PCBP3: variants seen among roughly 807,000 people sequenced by gnomAD.
PCBP3 encodes poly(rC) binding protein 3.
A neutral mutation model predicts 52.7 loss-of-function variants in PCBP3; 25 were observed. The observed-to-expected ratio is 0.47, with a 90% confidence interval of 0.35 to 0.66. The LOEUF is 0.66. PCBP3 is among the 30% of genes least tolerant of loss of function. The pLI, the probability that PCBP3 is intolerant of heterozygous loss-of-function variation, is 0.01. For synonymous variants in PCBP3, 162 were observed against 183.0 expected (o/e 0.89, Z 0.93); for missense variants, 391 against 490.3 (o/e 0.80, Z 1.91).
intron 2 of PCBP3, among the ~76,000 whole-genome samples, chr21:45,682,029 AGAG>A (rs940788338): frequency 1.2e-4 from 18 of 152,204 alleles, no homozygotes; most frequent in African/African-American, 3.6e-4. Context: ...TTCAAGAAGA[AGAG>A]GAGAAGAAGA....
At chr21:45,921,817 C>CA (rs1039626808) in intron 13 of PCBP3, among the ~76,000 whole-genome samples, 26 of 147,090 alleles carry the variant, frequency 1.8e-4, no homozygotes, top group South Asian at 4.3e-4. Context: ...AGACCCGTTT[C>CA]AAAAAAAAAA....
chr21:45,934,614 A>C (rs1223561183), intron 15 of PCBP3, among the ~76,000 whole-genome samples: 1 of 152,218 alleles, frequency 6.6e-6, no homozygotes, highest in African/African-American at 2.4e-5. Flanking sequence ...CCAAATTGGA[A>C]GAACTGCCTG....
At chr21:45,887,194 G>A (rs1047230326) in intron 5 of PCBP3, among the ~76,000 whole-genome samples, 1 of 152,242 alleles carries the variant, frequency 6.6e-6, no homozygotes, top group African/African-American at 2.4e-5. Flanking sequence ...TCCCTGGCTA[G>A]TCTGCCTTTC....
chr21:45,802,283 G>C lies in PCBP3; in HGVS notation c.-126+46831G>C, dbSNP rs1175559853. Among the ~76,000 whole-genome samples the C allele has an allele frequency of 6.6e-6, 1 of 152,162 alleles. No homozygotes were observed. Among genetic ancestry groups the C allele is most frequent in the African/African-American group, 2.4e-5 (1 of 41,426 alleles). On this transcript the variant is annotated intron_variant, in intron 4 of 17. Coordinates refer to ENST00000681687, the MANE Select transcript of PCBP3 (RefSeq NM_001384156.1). This position sits in a 1 kb window ranked among gnomAD's most constrained non-coding sequence, Gnocchi z 5.1. Reference sequence around the variant, plus strand: ...TGCTGGGGCTGGGGGTGAGCTAGCTGTCCGGCCCCTGCGTCAGCACCACCC... The same window carrying C: ...TGCTGGGGCTGGGGGTGAGCTAGCTCTCCGGCCCCTGCGTCAGCACCACCC...
chr21:45,748,950 T>C (rs569929509), intron 3 of PCBP3, among the ~76,000 whole-genome samples: 1 of 152,354 alleles, frequency 6.6e-6, no homozygotes, highest in Admixed American at 6.5e-5. Context: ...TCTCCTGACC[T>C]GTTCCTGCCC....
chr21:45,834,590 G>A (rs1041439288), intron 4 of PCBP3, among the ~76,000 whole-genome samples: 5 of 152,190 alleles, frequency 3.3e-5, no homozygotes, highest in African/African-American at 1.2e-4. Flanking sequence ...AGGCCACCAC[G>A]TCCACGAGTG....
intron 4 of PCBP3, among the ~76,000 whole-genome samples, chr21:45,777,219 C>T (rs1193693814): frequency 1.3e-5 from 2 of 151,856 alleles, no homozygotes; most frequent in Non-Finnish European, 2.9e-5. Flanking sequence ...GTTTTTTTCC[C>T]CCATTACTTT....
chr21:45,823,475 G>A (rs534707038), intron 4 of PCBP3, among the ~76,000 whole-genome samples: 6 of 152,232 alleles, frequency 3.9e-5, no homozygotes, highest in South Asian at 2.1e-4. Flanking sequence ...TGGACTTTCC[G>A]CTGTGCAGAT....
At chr21:45,843,431 A>G (rs1229087920) in intron 4 of PCBP3, among the ~76,000 whole-genome samples, 2 of 152,084 alleles carry the variant, frequency 1.3e-5, no homozygotes, top group African/African-American at 2.4e-5. Flanking sequence ...TTTCTTTATT[A>G]TTACCTTTCC....
rs183118847 is a variant in PCBP3 at position 45,699,806 on chromosome 21, C to T, written c.-200+30854C>T. Among the ~76,000 whole-genome samples, 354 of 152,288 alleles carry T rather than the reference C, an allele frequency of 2.3e-3. 2 individuals carry two copies. The highest frequency in any genetic ancestry group is 7.6e-3 in the African/African-American group (316 of 41,566). On this transcript the variant is annotated intron_variant, in intron 2 of 17. Coordinates refer to ENST00000681687, the MANE Select transcript of PCBP3 (RefSeq NM_001384156.1). ...GAATAGCATGGGAAAGACCCACCCG[C>T]GTGATTCAATTATCTCCCACCAGGT... is the stretch of plus-strand genomic sequence containing the variant.
At chr21:45,678,106 C>T (rs1025634027) in intron 2 of PCBP3, among the ~76,000 whole-genome samples, 10 of 152,038 alleles carry the variant, frequency 6.6e-5, no homozygotes, top group African/African-American at 2.4e-4. Flanking sequence ...CTTTGGGAGG[C>T]AGAGGTGGGA....
chr21:45,940,281 G>T lies in PCBP3; in HGVS notation c.1079+82G>T, dbSNP rs73910229. ...GTTACATCACCTGGACGGTCGGGGG[G>T]TGGGAGGAGGCACAGTCTGGGCCAC... is the stretch of plus-strand genomic sequence containing the variant. On this transcript the variant is annotated intron_variant, in intron 17 of 17. Coordinates refer to ENST00000681687, the MANE Select transcript of PCBP3 (RefSeq NM_001384156.1). 2.6e-3 allele frequency: 3,250 copies of T among 1,232,546 alleles called. 105 individuals carry two copies. In the South Asian group the frequency reaches 0.042, roughly 16 times the overall value. 76.4% of individuals were successfully genotyped at this position (1,232,546 alleles called of 1,614,324 possible). A position where few individuals can be genotyped will look rare whatever the true frequency, so the allele number is the denominator to read the frequency against.
chr21:45,744,648 T>C (rs1392614041), intron 3 of PCBP3, among the ~76,000 whole-genome samples: 2 of 152,228 alleles, frequency 1.3e-5, no homozygotes, highest in Non-Finnish European at 2.9e-5. Context: ...CATTTTAGCA[T>C]ACATTATAAT....
intron 4 of PCBP3, among the ~76,000 whole-genome samples, chr21:45,774,494 A>G (rs1251587956): frequency 1.3e-5 from 2 of 152,010 alleles, no homozygotes; most frequent in African/African-American, 2.4e-5. Flanking sequence ...CTCTTTTTCA[A>G]CTTGGTTTCC....
At chr21:45,670,889 A>G (rs538404390) in intron 2 of PCBP3, among the ~76,000 whole-genome samples, 6 of 152,318 alleles carry the variant, frequency 3.9e-5, no homozygotes, top group African/African-American at 1.4e-4. Context: ...GATTCGGCCC[A>G]GCTCCTCACA....
At chr21:45,790,410 C>T (rs966459693) in intron 4 of PCBP3, among the ~76,000 whole-genome samples, 36 of 152,096 alleles carry the variant, frequency 2.4e-4, no homozygotes, top group African/African-American at 7.7e-4. Flanking sequence ...CAAGGTGGGA[C>T]GCCGTGCCAT....
intron 12 of PCBP3, 99 bp downstream of exon 12, chr21:45,914,124 C>T (rs761179909): frequency 1.9e-6 from 3 of 1,583,538 alleles, no homozygotes; most frequent in African/African-American, 2.7e-5. Context: ...CTCGCCTTCT[C>T]ACGTGCACGT....
chr21:45,917,658 C>T lies in PCBP3; in HGVS notation c.717+29C>T. The T allele has an allele frequency of 6.4e-7, 1 of 1,572,948 alleles. No homozygotes were observed. The highest frequency in any genetic ancestry group is 1.7e-4 in the Middle Eastern group (1 of 6,000). Reference sequence around the variant, plus strand: ...AGTCTTCACTTTGTCTTCCTCTCACCTTTCTCTTCTCATGGTTGTTTACCT... The same window carrying T: ...AGTCTTCACTTTGTCTTCCTCTCACTTTTCTCTTCTCATGGTTGTTTACCT... On this transcript the variant is annotated intron_variant, in intron 13 of 17. Transcript: ENST00000681687. The surrounding 1 kb of genome is among the most constrained non-coding windows in gnomAD (Gnocchi z 5.3).
At chr21:45,869,951 T>C (rs1372825641) in intron 5 of PCBP3, among the ~76,000 whole-genome samples, 4 of 152,268 alleles carry the variant, frequency 2.6e-5, no homozygotes, top group Non-Finnish European at 5.9e-5. Flanking sequence ...CTTAGCTTTT[T>C]AGTCGGATTT....
Sources: allele counts gnomAD v4.1 joint callset (sites outside exome capture counted in the v4.1 genomes callset), GRCh38; gene constraint gnomAD v4.1.1; non-coding constraint Gnocchi (gnomAD v3.1); transcripts MANE v1.5; gene names NCBI Gene and HGNC (gene_info 2026-07-23, HGNC 2026-07-21).